APLF: variants seen among roughly 807,000 people sequenced by gnomAD.
APLF encodes aprataxin and PNKP like factor.
A neutral mutation model predicts 55.6 loss-of-function variants in APLF; 61 were observed. That is an observed-to-expected ratio of 1.10 (90% CI 0.89 to 1.36). The LOEUF is 1.36. Among genes scored for constraint, APLF ranks in the 40% most tolerant of loss-of-function variants. The pLI, the probability that APLF is intolerant of heterozygous loss-of-function variation, is 0.00. For synonymous variants in APLF, 207 were observed against 214.8 expected (o/e 0.96, Z 0.32); for missense variants, 611 against 602.5 (o/e 1.01, Z -0.15).
intron 8 of APLF, among the ~76,000 whole-genome samples, chr2:68,553,237 C>T (rs1316659763): frequency 1.3e-5 from 2 of 151,898 alleles, no homozygotes; most frequent in Admixed American, 1.3e-4. Context: ...TTTCAAAGTA[C>T]CTCTAGATAA....
Position 68,579,216 on chromosome 2 carries a change from C to T in APLF, c.*1194C>T, listed in dbSNP as rs866711787. 4.4e-5 allele frequency: 33 copies of T among 754,164 alleles called. No individual in the cohort carries two copies. The African/African-American group carries it at 5.9e-4, about 13-fold the overall frequency. The allele number at this position is 754,164 out of a possible 1,614,324, so 46.7% of individuals were successfully genotyped here. A position where few individuals can be genotyped will look rare whatever the true frequency, so the allele number is the denominator to read the frequency against. On this transcript the variant is annotated 3_prime_UTR_variant, in exon 10 of 10. Coordinates refer to ENST00000303795, the MANE Select transcript of APLF (RefSeq NM_173545.3). ...TAAAATATATCTCCCAGTAATTATACAATATTTAATATTTACTTAAACTGG... is the reference window on the plus strand; with the variant it reads ...TAAAATATATCTCCCAGTAATTATATAATATTTAATATTTACTTAAACTGG...
rs1305253223 is a variant in APLF, at chr2:68,513,087, C to G, written c.349C>G (p.Gln117Glu). The G allele has an allele frequency of 6.2e-7, 1 of 1,603,896 alleles. No homozygotes were observed. Residue 117 changes from glutamine to glutamate, a missense_variant, in exon 4 of 10, where the codon CAA becomes GAA. Gln to Glu is a conservative substitution (Grantham distance 29). Transcript: ENST00000303795. Reference protein sequence around the residue: ...VEMQCTLRNSQVLDEDNILNE... With the variant: ...VEMQCTLRNSEVLDEDNILNE... ...TTCTATTTTATCTTATAGAAACAGT[C>G]AAGTGCTTGATGAAGATAATATATT...
chr2:68,511,851 G>A (rs1669382515), intron 3 of APLF, among the ~76,000 whole-genome samples: 1 of 151,550 alleles, frequency 6.6e-6, no homozygotes, highest in Non-Finnish European at 1.5e-5. Flanking sequence ...AAAATGTGAT[G>A]CTGCATAGTA....
In APLF at chr2:68,512,196, G is replaced by C. The variant is rs143403831; in HGVS notation, c.342-884G>C. Reference sequence around the variant, plus strand: ...CCCAAATGTTCTCTCCTGGCTCTTTGTAGTCTGTCCCTTCACTCCACCCCC... The same window carrying C: ...CCCAAATGTTCTCTCCTGGCTCTTTCTAGTCTGTCCCTTCACTCCACCCCC... On this transcript the variant is annotated intron_variant, in intron 3 of 9. Transcript: ENST00000303795. 7.8e-3 allele frequency among the ~76,000 whole-genome samples: 1,185 copies of C among 151,562 alleles called. 14 individuals carry two copies. The highest frequency in any genetic ancestry group is 0.027 in the African/African-American group (1,132 of 41,416).
chr2:68,526,141 C>T lies in APLF; in HGVS notation c.703C>T (p.Gln235Ter), dbSNP rs375356224. ...AAACACAACCCAGCAAGGAAGAAGGCAATTAATTTCATCAGGAAGTTCAGA... is the reference window on the plus strand; with the variant it reads ...AAACACAACCCAGCAAGGAAGAAGGTAATTAATTTCATCAGGAAGTTCAGA... ...QLNTTQQGRR[Q>*]LISSGSSENT... Residue 235 changes from glutamine (Q) to a stop codon, truncating the protein, a stop_gained, in exon 6 of 10, where the codon CAA becomes TAA. Transcript: ENST00000303795. LOFTEE classifies it high-confidence loss of function. 5.0e-5 allele frequency: 80 copies of T among 1,613,696 alleles called. No individual in the cohort carries two copies. The highest frequency in any genetic ancestry group is 6.6e-5 in the Non-Finnish European group (78 of 1,179,940).
intron 1 of APLF, among the ~76,000 whole-genome samples, chr2:68,481,776 A>G (rs891270829): frequency 6.6e-6 from 1 of 152,126 alleles, no homozygotes; most frequent in African/African-American, 2.4e-5. Flanking sequence ...CCATAAATTC[A>G]ATCGGTTTTC....
intron 9 of APLF, among the ~76,000 whole-genome samples, chr2:68,571,804 AG>A (rs1248475742): frequency 6.6e-6 from 1 of 152,174 alleles, no homozygotes; most frequent in Non-Finnish European, 1.5e-5. Context: ...TGAACTTTAA[AG>A]TAGTTTTTCC....
intron 3 of APLF, among the ~76,000 whole-genome samples, chr2:68,505,022 T>A (rs549373966): frequency 1.4e-4 from 21 of 152,168 alleles, no homozygotes; most frequent in Admixed American, 1.3e-3. Flanking sequence ...TCAAAACTAA[T>A]CAAATTTCAC....
chr2:68,563,432 G>A (rs1671218019), intron 8 of APLF: 1 of 844,546 alleles, frequency 1.2e-6, no homozygotes, highest in African/African-American at 1.8e-5. Flanking sequence ...TGCAGATGGT[G>A]CATGCGAGTG....
intron 7 of APLF, among the ~76,000 whole-genome samples, chr2:68,543,590 A>G (rs954596840): frequency 2.6e-5 from 4 of 152,174 alleles, no homozygotes; most frequent in African/African-American, 7.2e-5. Flanking sequence ...ATTCTTAACT[A>G]TATCCCCAGG....
chr2:68,511,417 A>G (rs1157717993), intron 3 of APLF, among the ~76,000 whole-genome samples: 5 of 151,696 alleles, frequency 3.3e-5, no homozygotes, highest in African/African-American at 1.2e-4. Context: ...CTTTTTGAAT[A>G]AAATGTTAAA....
At chr2:68,554,638 GTT>G (rs773690422) in intron 8 of APLF, among the ~76,000 whole-genome samples, 10 of 139,186 alleles carry the variant, frequency 7.2e-5, no homozygotes, top group Admixed American at 7.2e-5. Context: ...ATATTCCTAA[GTT>G]TTTTTTTTTT....
chr2:68,546,406 A>G (rs1015304785), intron 8 of APLF, among the ~76,000 whole-genome samples: 3 of 152,014 alleles, frequency 2.0e-5, no homozygotes, highest in African/African-American at 7.2e-5. Context: ...GTATTTCCCA[A>G]TTCATGATGT....
At chr2:68,517,563 TATAAC>T (rs1669656821) in intron 5 of APLF, among the ~76,000 whole-genome samples, 1 of 143,290 alleles carries the variant, frequency 7.0e-6, no homozygotes, top group East Asian at 2.1e-4. Context: ...GTTAATAACA[TATAAC>T]AATATATCAC....
chr2:68,496,830 C>G (rs1417771209), intron 2 of APLF, among the ~76,000 whole-genome samples: 1 of 152,160 alleles, frequency 6.6e-6, no homozygotes, highest in African/African-American at 2.4e-5. Context: ...ACGTCATTGT[C>G]CATATCACTA....
intron 6 of APLF, among the ~76,000 whole-genome samples, chr2:68,527,579 A>G (rs1297938145): frequency 1.7e-4 from 14 of 83,746 alleles, no homozygotes; most frequent in African/African-American, 2.3e-4. Context: ...CCCAGAGTGT[A>G]AGGGGGCCGG....
intron 2 of APLF, among the ~76,000 whole-genome samples, chr2:68,499,162 T>C (rs543446821): frequency 6.6e-6 from 1 of 152,352 alleles, no homozygotes; most frequent in Admixed American, 6.5e-5. Flanking sequence ...GTTTCATTTT[T>C]TGCAGGGATA....
chr2:68,578,636 T>C lies in APLF; in HGVS notation c.*614T>C. On this transcript the variant is annotated 3_prime_UTR_variant, in exon 10 of 10. Transcript: ENST00000303795. ...AGAGAAATGTTCACCATGTAGGGAA[T>C]GTTATTTTGTGTTCCACATCTGCAA... 1 of 985,354 alleles carries C rather than the reference T, an allele frequency of 1.0e-6. No individual in the cohort carries two copies. Among genetic ancestry groups the C allele is most frequent in the African/African-American group, 1.7e-5 (1 of 57,370 alleles). The allele number at this position is 985,354 out of a possible 1,614,324, so 61.0% of individuals were successfully genotyped here.
At chr2:68,482,636 C>A (rs957828460) in intron 1 of APLF, among the ~76,000 whole-genome samples, 6 of 152,106 alleles carry the variant, frequency 3.9e-5, no homozygotes, top group African/African-American at 1.4e-4. Flanking sequence ...TGTGGTTTGG[C>A]TGCTTAGGGT....
Sources: gnomAD v4.1 joint callset for allele counts (sites outside exome capture counted in the v4.1 genomes callset) on GRCh38, gnomAD v4.1.1 for gene constraint, MANE v1.5 for transcripts, NCBI Gene and HGNC (gene_info 2026-07-23, HGNC 2026-07-21) for gene names.